NRG3: variants seen among roughly 807,000 people sequenced by gnomAD.
The protein encoded by NRG3 is neuregulin 3, also known as pro-neuregulin-3, membrane-bound isoform.
A neutral mutation model predicts 66.9 loss-of-function variants in NRG3; 31 were observed. The observed-to-expected ratio is 0.46, with a 90% CI of 0.35 to 0.63. The LOEUF is 0.63. Ranked by LOEUF, NRG3 falls within the 20% of genes least tolerant of loss-of-function variation. The probability of loss-of-function intolerance (pLI) is 0.00; values close to 1 mark genes in which losing one functional copy is unlikely to be tolerated. For missense variants in NRG3, 910 were observed against 878.9 expected, an observed-to-expected ratio of 1.04 and a Z score of -0.45; for synonymous variants, 393 against 359.4, an observed-to-expected ratio of 1.09 and a Z score of -1.06.
intron 2 of NRG3, among the ~76,000 whole-genome samples, chr10:82,658,733 T>G (rs1171148369): frequency 6.6e-6 from 1 of 152,184 alleles, no homozygotes; most frequent in Non-Finnish European, 1.5e-5. Context: ...AGGCATACTT[T>G]CATTATTGTG....
At chr10:82,274,230 A>C (rs7096123) in intron 1 of NRG3, among the ~76,000 whole-genome samples, 1 of 151,838 alleles carries the variant, frequency 6.6e-6, no homozygotes, top group Non-Finnish European at 1.5e-5. Context: ...TCTGCAAATG[A>C]ATGTGAAAAA....
At chr10:81,984,431 G>C (rs2060446987) in intron 1 of NRG3, among the ~76,000 whole-genome samples, 1 of 152,080 alleles carries the variant, frequency 6.6e-6, no homozygotes, top group Non-Finnish European at 1.5e-5. Flanking sequence ...TTAGAAACTT[G>C]ACATTCCACT....
chr10:82,267,402 G>A (rs1221780871), intron 1 of NRG3, among the ~76,000 whole-genome samples: 1 of 152,166 alleles, frequency 6.6e-6, no homozygotes, highest in Non-Finnish European at 1.5e-5. Context: ...GTTCACACAT[G>A]GATGTGTGAT....
At chr10:81,985,468 A>G (rs1379344253) in intron 1 of NRG3, among the ~76,000 whole-genome samples, 1 of 152,218 alleles carries the variant, frequency 6.6e-6, no homozygotes, top group African/African-American at 2.4e-5. Flanking sequence ...CAAATCTGCA[A>G]TCACTTAAGT....
intron 1 of NRG3, among the ~76,000 whole-genome samples, chr10:82,212,754 T>G (rs564900716): frequency 3.3e-5 from 5 of 152,354 alleles, no homozygotes; most frequent in Non-Finnish European, 1.5e-5. Context: ...TTAATATATG[T>G]GCCATTTATC....
At chr10:82,648,186 G>A (rs1439598970) in intron 2 of NRG3, among the ~76,000 whole-genome samples, 1 of 152,142 alleles carries the variant, frequency 6.6e-6, no homozygotes, top group Non-Finnish European at 1.5e-5. Context: ...TTTGTGTAAG[G>A]TGTAAGAAAG....
At chr10:82,722,580 A>G (rs1344645100) in intron 2 of NRG3, among the ~76,000 whole-genome samples, 1 of 152,134 alleles carries the variant, frequency 6.6e-6, no homozygotes, top group African/African-American at 2.4e-5. Context: ...TTTCTGCTCC[A>G]AGCCCCCACC....
chr10:82,240,177 T>C (rs769124061), intron 1 of NRG3, among the ~76,000 whole-genome samples: 40 of 151,932 alleles, frequency 2.6e-4, no homozygotes, highest in Non-Finnish European at 5.6e-4. Flanking sequence ...TAACTCTTTT[T>C]CCCCCCAGCA....
At chr10:82,234,905 C>T (rs1285779198) in intron 1 of NRG3, among the ~76,000 whole-genome samples, 1 of 152,240 alleles carries the variant, frequency 6.6e-6, no homozygotes, top group Non-Finnish European at 1.5e-5. Flanking sequence ...GCCGTGCTTG[C>T]CTTGTTACTG....
intron 1 of NRG3, among the ~76,000 whole-genome samples, chr10:82,049,854 A>G (rs566980567): frequency 6.6e-6 from 1 of 152,180 alleles, no homozygotes; most frequent in Non-Finnish European, 1.5e-5. Context: ...AGATGAACCC[A>G]TAAAATCCAT....
At chr10:82,786,066 C>G (rs1349261206) in intron 3 of NRG3, among the ~76,000 whole-genome samples, 1 of 152,092 alleles carries the variant, frequency 6.6e-6, no homozygotes, top group Non-Finnish European at 1.5e-5. Context: ...CGGAGAGCCT[C>G]CACTGAGGAA....
At chr10:82,628,413 G>A (rs2049574017) in intron 2 of NRG3, among the ~76,000 whole-genome samples, 1 of 152,052 alleles carries the variant, frequency 6.6e-6, no homozygotes, top group Non-Finnish European at 1.5e-5. Flanking sequence ...AGTATAAACA[G>A]GATGGAAAAA....
intron 2 of NRG3, among the ~76,000 whole-genome samples, chr10:82,580,188 C>A (rs2046273038): frequency 6.6e-6 from 1 of 151,844 alleles, no homozygotes; most frequent in African/African-American, 2.4e-5. Context: ...TATATAAAAT[C>A]TGTAGATATG....
At chr10:82,487,468 C>T (rs557044879) in intron 2 of NRG3, among the ~76,000 whole-genome samples, 2 of 152,142 alleles carry the variant, frequency 1.3e-5, no homozygotes, top group African/African-American at 4.8e-5. Context: ...AGCTTTGTAA[C>T]CCTGAGTGGA....
intron 3 of NRG3, among the ~76,000 whole-genome samples, chr10:82,751,998 T>C (rs2058885316): frequency 6.6e-6 from 1 of 152,116 alleles, no homozygotes; most frequent in African/African-American, 2.4e-5. Context: ...CCTTTCATGC[T>C]TCCATTACAT....
At chr10:82,374,363 A>C (rs1419639471) in intron 2 of NRG3, among the ~76,000 whole-genome samples, 1 of 152,192 alleles carries the variant, frequency 6.6e-6, no homozygotes, top group East Asian at 1.9e-4. Context: ...CGCCAGTCTC[A>C]GTTCTGCCTG....
At chr10:81,885,242 T>C (rs1382604185) in intron 1 of NRG3, among the ~76,000 whole-genome samples, 1 of 152,196 alleles carries the variant, frequency 6.6e-6, no homozygotes, top group African/African-American at 2.4e-5. Flanking sequence ...AGCTTACTTT[T>C]GGTTACAATA....
At chr10:82,289,084 G>T (rs1589603950) in intron 1 of NRG3, among the ~76,000 whole-genome samples, 2 of 152,204 alleles carry the variant, frequency 1.3e-5, no homozygotes, top group Admixed American at 6.5e-5. Context: ...AGTCCATGCT[G>T]CTCCCTGTAC....
chr10:82,764,408 C>G (rs774293647), intron 3 of NRG3, among the ~76,000 whole-genome samples: 1 of 148,336 alleles, frequency 6.7e-6, no homozygotes. Flanking sequence ...GACTTAGTCT[C>G]GCTCTGTCGC....
Sources: gnomAD v4.1 joint callset for allele counts (sites outside exome capture counted in the v4.1 genomes callset) on GRCh38, gnomAD v4.1.1 for gene constraint, MANE v1.5 for transcripts, NCBI Gene and HGNC (gene_info 2026-07-23, HGNC 2026-07-21) for gene names.